Variants in TRPC4 observed in about 807,000 individuals in gnomAD.
TRPC4 encodes the protein transient receptor potential cation channel subfamily C member 4.
Under a neutral mutation model 99.4 loss-of-function variants are expected in TRPC4, and 49 were observed. The ratio of observed to expected loss-of-function variants is 0.49; its 90% CI spans 0.39 to 0.63. TRPC4 has a LOEUF of 0.63. Among genes scored for constraint, TRPC4 ranks in the 20% least tolerant of loss-of-function variants. The probability of loss-of-function intolerance (pLI) is 0.00; values close to 1 mark genes in which losing one functional copy is unlikely to be tolerated. For synonymous variants in TRPC4, 454 were observed against 425.9 expected (o/e 1.07, Z -0.81); for missense variants, 898 against 1,152.9 (o/e 0.78, Z 3.20).
At chr13:37,657,628 T>G (rs1952280630) in intron 6 of TRPC4, among the ~76,000 whole-genome samples, 1 of 152,210 alleles carries the variant, frequency 6.6e-6, no homozygotes, top group Non-Finnish European at 1.5e-5. Flanking sequence ...ATACAATATA[T>G]AGTGTAAAAT....
chr13:37,738,550 G>A (rs914683329), intron 3 of TRPC4, among the ~76,000 whole-genome samples: 6 of 152,154 alleles, frequency 3.9e-5, no homozygotes, highest in Admixed American at 3.3e-4. Context: ...AAGATGTGGT[G>A]AACATCCCAG....
chr13:37,755,587 G>A (rs1956077275), intron 2 of TRPC4, among the ~76,000 whole-genome samples: 1 of 151,186 alleles, frequency 6.6e-6, no homozygotes, highest in African/African-American at 2.4e-5. Flanking sequence ...ATTTTTGTAG[G>A]GACAGCATCT....
chr13:37,635,856 T>A lies in TRPC4; in HGVS notation c.*1047A>T, dbSNP rs140635786. On this transcript the variant is annotated 3_prime_UTR_variant, in exon 11 of 11. Transcript: ENST00000379705. ...TATCTATATCTGCTGATAAAATTAA[T>A]AATGATTTTTGAGTGATTTAATTTT... is the stretch of plus-strand genomic sequence containing the variant. Among the ~76,000 whole-genome samples, 2,032 of 152,212 alleles carry A rather than the reference T, an allele frequency of 0.013. 41 individuals are homozygous for A. The highest frequency in any genetic ancestry group is 0.046 in the African/African-American group (1,930 of 41,546).
intron 1 of TRPC4, among the ~76,000 whole-genome samples, chr13:37,838,130 T>A (rs1299355250): frequency 6.6e-6 from 1 of 152,182 alleles, no homozygotes; most frequent in Non-Finnish European, 1.5e-5. Context: ...AATTGCCCAG[T>A]CTCAGATATG....
intron 3 of TRPC4, among the ~76,000 whole-genome samples, chr13:37,734,725 T>C (rs1955344167): frequency 6.6e-6 from 1 of 152,156 alleles, no homozygotes; most frequent in African/African-American, 2.4e-5. Context: ...GTTTCAGGGC[T>C]ACATGTCCCG....
At chr13:37,645,049 C>G (rs1310659886) in intron 8 of TRPC4, among the ~76,000 whole-genome samples, 9 of 150,316 alleles carry the variant, frequency 6.0e-5, no homozygotes, top group Non-Finnish European at 1.0e-4. Context: ...GGAAGAAGTT[C>G]TCCTTAGGTT....
At chr13:37,758,168 C>T (rs916257226) in intron 2 of TRPC4, among the ~76,000 whole-genome samples, 3 of 151,722 alleles carry the variant, frequency 2.0e-5, no homozygotes, top group Non-Finnish European at 4.4e-5. Flanking sequence ...AAACAAAAGG[C>T]TTGTTTGCTA....
chr13:37,761,924 C>T (rs1267340953), intron 2 of TRPC4, among the ~76,000 whole-genome samples: 1 of 151,878 alleles, frequency 6.6e-6, no homozygotes, highest in Non-Finnish European at 1.5e-5. Context: ...TGTGTATCTC[C>T]TGAAATGGCA....
At chr13:37,704,215 G>A (rs147162986) in intron 3 of TRPC4, among the ~76,000 whole-genome samples, 200 of 152,294 alleles carry the variant, frequency 1.3e-3, no homozygotes, top group Non-Finnish European at 2.2e-3. Context: ...GGAATGGGGA[G>A]GGTGCAAGGA....
At chr13:37,805,546 CT>C (rs1205320394) in intron 1 of TRPC4, among the ~76,000 whole-genome samples, 1 of 152,026 alleles carries the variant, frequency 6.6e-6, no homozygotes, top group Admixed American at 6.6e-5. Context: ...GGCCCAATGT[CT>C]TTGTGCCTGA....
Position 37,777,931 on chromosome 13 carries a change from T to C in TRPC4, c.378+5025A>G, listed in dbSNP as rs922138654. Among the ~76,000 whole-genome samples, 2 of 152,028 alleles carry C rather than the reference T, an allele frequency of 1.3e-5. 1 individual carries two copies. The highest frequency in any genetic ancestry group is 4.1e-4 in the South Asian group (2 of 4,826). On this transcript the variant is annotated intron_variant, in intron 2 of 10. Transcript: ENST00000379705. ...GCTGTCACTTCACTTCACTCTGTGCTCTTTCCCAGCACTTCACAGCTTCTA... is the reference window on the plus strand; with the variant it reads ...GCTGTCACTTCACTTCACTCTGTGCCCTTTCCCAGCACTTCACAGCTTCTA...
intron 4 of TRPC4, among the ~76,000 whole-genome samples, chr13:37,687,267 G>T (rs541643720): frequency 6.6e-6 from 1 of 152,040 alleles, no homozygotes; most frequent in Non-Finnish European, 1.5e-5. Flanking sequence ...CCAGCCCAAA[G>T]TTCTACTTCT....
chr13:37,650,416 T>C (rs577209889), intron 8 of TRPC4, among the ~76,000 whole-genome samples: 6 of 152,278 alleles, frequency 3.9e-5, no homozygotes, highest in African/African-American at 1.4e-4. Context: ...ATTTGTCTTA[T>C]GTCAATGGTA....
At chr13:37,819,416 T>C (rs1331605867) in intron 1 of TRPC4, among the ~76,000 whole-genome samples, 1 of 152,008 alleles carries the variant, frequency 6.6e-6, no homozygotes, top group Non-Finnish European at 1.5e-5. Flanking sequence ...AGGAAAGACA[T>C]GGCATCAACA....
At chr13:37,849,896 CAAAT>C (rs1377291962) in intron 1 of TRPC4, among the ~76,000 whole-genome samples, 1 of 152,154 alleles carries the variant, frequency 6.6e-6, no homozygotes, top group East Asian at 1.9e-4. Flanking sequence ...ACACAGAAGA[CAAAT>C]AATCCACATC....
chr13:37,756,012 T>C (rs1188817964), intron 2 of TRPC4, among the ~76,000 whole-genome samples: 2 of 152,144 alleles, frequency 1.3e-5, no homozygotes, highest in African/African-American at 4.8e-5. Context: ...ATTTATCTCT[T>C]TCATACACAG....
intron 1 of TRPC4, among the ~76,000 whole-genome samples, chr13:37,845,744 G>A (rs1307144590): frequency 6.6e-6 from 1 of 152,080 alleles, no homozygotes; most frequent in Admixed American, 6.6e-5. Flanking sequence ...AGCCTAGAAA[G>A]CATATTTGAG....
At chr13:37,658,621 T>C (rs761283444) in intron 6 of TRPC4, among the ~76,000 whole-genome samples, 1 of 152,224 alleles carries the variant, frequency 6.6e-6, no homozygotes, top group Admixed American at 6.5e-5. Context: ...AAAAGGGCTT[T>C]GCTTAATGAG....
chr13:37,668,187 C>T (rs974892919), intron 5 of TRPC4, among the ~76,000 whole-genome samples: 3 of 152,206 alleles, frequency 2.0e-5, no homozygotes, highest in Non-Finnish European at 2.9e-5. Context: ...TTCCTGTATT[C>T]CTCCTTCTCT....
Sources: gnomAD v4.1 joint callset for allele counts (sites outside exome capture counted in the v4.1 genomes callset) on GRCh38, gnomAD v4.1.1 for gene constraint, MANE v1.5 for transcripts, NCBI Gene and HGNC (gene_info 2026-07-23, HGNC 2026-07-21) for gene names.